Variants in ROBO2 observed in about 807,000 individuals in gnomAD.
ROBO2 encodes the protein roundabout guidance receptor 2, also known as roundabout homolog 2.
A neutral mutation model predicts 160.8 loss-of-function variants in ROBO2; 53 were observed. The ratio of observed to expected loss-of-function variants is 0.33; its 90% CI spans 0.26 to 0.41. ROBO2 has a LOEUF of 0.41. Among genes scored for constraint, ROBO2 ranks in the 10% least tolerant of loss-of-function variants. The pLI, the probability that ROBO2 is intolerant of heterozygous loss-of-function variation, is 1.00. For missense variants in ROBO2, 1,577 were observed against 1,722.4 expected (o/e 0.92, Z 1.49); for synonymous variants, 664 against 611.7 (o/e 1.09, Z -1.26).
chr3:76,812,537 A>G (rs2597228), intron 2 of ROBO2, among the ~76,000 whole-genome samples: 2,382 of 152,032 alleles, frequency 0.016, 60 homozygotes, highest in African/African-American at 0.053. Flanking sequence ...AAACACAATA[A>G]CAGAAAAGAA....
chr3:77,337,377 G>A (rs1346081121), intron 2 of ROBO2, among the ~76,000 whole-genome samples: 1 of 152,044 alleles, frequency 6.6e-6, no homozygotes, highest in Non-Finnish European at 1.5e-5. Flanking sequence ...TAAACTTGGG[G>A]TAAAGCAGCC....
At chr3:76,821,621 C>G (rs903705178) in intron 2 of ROBO2, among the ~76,000 whole-genome samples, 3 of 151,780 alleles carry the variant, frequency 2.0e-5, no homozygotes, top group Non-Finnish European at 2.9e-5. Context: ...TGGGACCATG[C>G]CTGGCATGTA....
chr3:77,282,868 C>T (rs1411396112), intron 2 of ROBO2, among the ~76,000 whole-genome samples: 2 of 148,740 alleles, frequency 1.3e-5, no homozygotes, highest in African/African-American at 5.0e-5. Flanking sequence ...TACTAGCATA[C>T]AAATAAAGTT....
intron 2 of ROBO2, among the ~76,000 whole-genome samples, chr3:77,324,308 G>T (rs6796252): frequency 0.019 from 2,882 of 152,280 alleles, 51 homozygotes; most frequent in Middle Eastern, 0.034. Context: ...AAGCCCTTAA[G>T]TGCTACTAAA....
At chr3:76,295,944 C>T (rs1462265654) in intron 2 of ROBO2, among the ~76,000 whole-genome samples, 1 of 152,156 alleles carries the variant, frequency 6.6e-6, no homozygotes, top group East Asian at 1.9e-4. Context: ...CCCACGTACA[C>T]ATAGTCAATA....
At position 77,640,097 on chromosome 3, in the gene ROBO2, A is replaced by ATTTTTTTTTTTTTTT. The variant is rs71104695; in HGVS notation, c.3935-4589_3935-4575dup. ...AGAGAAGAAACACTGCAGAGGAAGC[A>ATTTTTTTTTTTTTTT]TTTTTTTTTTTTTTTTTTTTTTTTT... On this transcript the variant is annotated intron_variant, in intron 24 of 25. Coordinates refer to ENST00000461745, the Ensembl canonical transcript of ROBO2. Among the ~76,000 whole-genome samples the ATTTTTTTTTTTTTTT allele has an allele frequency of 5.7e-4, 37 of 65,486 alleles. 3 individuals are homozygous for ATTTTTTTTTTTTTTT. Among genetic ancestry groups the ATTTTTTTTTTTTTTT allele is most frequent in the South Asian group, 1.8e-3 (2 of 1,114 alleles). 43.0% of individuals were successfully genotyped at this position (65,486 alleles called of 152,430 possible). A position where few individuals can be genotyped will look rare whatever the true frequency, so the allele number is the denominator to read the frequency against.
intron 2 of ROBO2, among the ~76,000 whole-genome samples, chr3:76,265,454 G>A (rs1013972608): frequency 6.6e-6 from 1 of 152,102 alleles, no homozygotes; most frequent in Non-Finnish European, 1.5e-5. Context: ...AACTATGATA[G>A]TAATAAGAGC....
At chr3:76,466,457 T>C (rs1440763027) in intron 2 of ROBO2, among the ~76,000 whole-genome samples, 1 of 151,984 alleles carries the variant, frequency 6.6e-6, no homozygotes, top group Non-Finnish European at 1.5e-5. Context: ...TCTTTTTTTA[T>C]TCAGTAGAAA....
Position 76,939,576 on chromosome 3 carries a change from C to T in ROBO2, c.110-158438C>T, listed in dbSNP as rs145183327. ...GAGGCTGAGGTGGGGGTCAGAAGTT[C>T]GAGACCAGCCTGGACAACATGGTGA... is the stretch of plus-strand genomic sequence containing the variant. On this transcript the variant is annotated intron_variant, in intron 2 of 26. Coordinates refer to the ROBO2 transcript ENST00000487694. 1.8e-4 allele frequency among the ~76,000 whole-genome samples: 28 copies of T among 152,088 alleles called. No individual in the cohort carries two copies. The East Asian group carries it at 5.0e-3, about 27-fold the overall frequency.
chr3:76,731,617 T>G (rs1428028571), intron 2 of ROBO2, among the ~76,000 whole-genome samples: 1 of 152,198 alleles, frequency 6.6e-6, no homozygotes, highest in Admixed American at 6.5e-5. Flanking sequence ...GTGACTCTGT[T>G]ACTGTATTTG....
chr3:77,209,751 C>T (rs1002812816), intron 2 of ROBO2, among the ~76,000 whole-genome samples: 3 of 152,070 alleles, frequency 2.0e-5, no homozygotes, highest in Non-Finnish European at 4.4e-5. Context: ...GATAGTAGAT[C>T]CAAAATGCTG....
At chr3:77,294,466 G>A (rs1481846549) in intron 2 of ROBO2, among the ~76,000 whole-genome samples, 1 of 142,544 alleles carries the variant, frequency 7.0e-6, no homozygotes, top group South Asian at 2.2e-4. Flanking sequence ...AAAATTGACG[G>A]GTAAACGGGT....
chr3:76,392,776 T>A (rs977116352), intron 2 of ROBO2, among the ~76,000 whole-genome samples: 1 of 152,194 alleles, frequency 6.6e-6, no homozygotes, highest in Non-Finnish European at 1.5e-5. Context: ...TCTACCAAGT[T>A]CTACATTTTA....
intron 2 of ROBO2, among the ~76,000 whole-genome samples, chr3:77,006,314 T>C (rs868151421): frequency 1.3e-5 from 2 of 148,624 alleles, no homozygotes; most frequent in Admixed American, 6.7e-5. Flanking sequence ...TTTGTGTGTG[T>C]GTGTGTGTGT....
At chr3:76,405,321 G>A (rs2078065809) in intron 2 of ROBO2, among the ~76,000 whole-genome samples, 1 of 151,492 alleles carries the variant, frequency 6.6e-6, no homozygotes, top group Non-Finnish European at 1.5e-5. Context: ...AAAGATTGGA[G>A]ATGAAGTCAG....
rs71104688 is a variant in ROBO2 at position 77,473,440 on chromosome 3, CTTTTTTTTTTTTTTTTTT to C, written c.389-3954_389-3937del. 6.1e-3 allele frequency among the ~76,000 whole-genome samples: 472 copies of C among 77,926 alleles called. 4 individuals carry two copies. The highest frequency in any genetic ancestry group is 0.025 in the South Asian group (47 of 1,872). The allele number at this position is 77,926 out of a possible 152,430, so 51.1% of individuals were successfully genotyped here. ...CTGCAGTTCGATTTTACAAACTGCT[CTTTTTTTTTTTTTTTTTT>C]TTTTTTTTTTTTTTTTTTTGAGACA... is the stretch of plus-strand genomic sequence containing the variant. On this transcript the variant is annotated intron_variant, in intron 2 of 25. Coordinates refer to ENST00000461745, the Ensembl canonical transcript of ROBO2.
chr3:76,912,022 T>G (rs1381427444), intron 2 of ROBO2, among the ~76,000 whole-genome samples: 1 of 152,120 alleles, frequency 6.6e-6, no homozygotes, highest in Non-Finnish European at 1.5e-5. Context: ...AGATGTGAAG[T>G]TTATCATGTA....
At chr3:77,552,645 T>A (rs2092960704) in intron 8 of ROBO2, among the ~76,000 whole-genome samples, 1 of 152,056 alleles carries the variant, frequency 6.6e-6, no homozygotes, top group Admixed American at 6.6e-5. Flanking sequence ...GAGTATTAAT[T>A]CCTATATTGA....
intron 2 of ROBO2, among the ~76,000 whole-genome samples, chr3:76,366,359 A>C (rs2075812412): frequency 1.3e-5 from 2 of 152,030 alleles, no homozygotes; most frequent in African/African-American, 4.8e-5. Flanking sequence ...TCACCATTAA[A>C]GGATAAGTTT....
Sources: allele counts gnomAD v4.1 joint callset (sites outside exome capture counted in the v4.1 genomes callset), GRCh38; gene constraint gnomAD v4.1.1; transcripts MANE v1.5; gene names NCBI Gene and HGNC (gene_info 2026-07-23, HGNC 2026-07-21).